Variants in ANO4 observed in about 807,000 individuals in gnomAD.
ANO4 encodes anoctamin-4.
Under a neutral mutation model 141.9 loss-of-function variants are expected in ANO4, and 69 were observed. The observed-to-expected ratio is 0.49, with a 90% CI of 0.40 to 0.59. The LOEUF (loss-of-function observed/expected upper bound fraction) is 0.59, where lower values mean the gene tolerates loss of function less well. ANO4 is among the 20% of genes least tolerant of loss of function. The pLI is 0.00. For synonymous variants in ANO4, 350 were observed against 394.3 expected (o/e 0.89, Z 1.33); for missense variants, 894 against 1,162.2 (o/e 0.77, Z 3.36).
chr12:100,988,533 G>C (rs369046987), intron 8 of ANO4, among the ~76,000 whole-genome samples: 20 of 147,858 alleles, frequency 1.4e-4, no homozygotes, highest in African/African-American at 4.1e-4. Context: ...GGAAGAAAAG[G>C]GTGATGGATT....
intron 1 of ANO4, among the ~76,000 whole-genome samples, chr12:100,876,500 G>C (rs2062740704): frequency 6.6e-6 from 1 of 152,134 alleles, no homozygotes. Context: ...TGAAAAATGA[G>C]AGAAATTAAA....
intron 1 of ANO4, among the ~76,000 whole-genome samples, chr12:100,894,811 A>G (rs368052635): frequency 2.6e-5 from 4 of 151,874 alleles, no homozygotes; most frequent in African/African-American, 9.7e-5. Context: ...CTAAAAATAC[A>G]AAAAATTAGC....
intron 1 of ANO4, among the ~76,000 whole-genome samples, chr12:100,892,071 G>A (rs73163171): frequency 6.6e-6 from 1 of 152,238 alleles, no homozygotes; most frequent in Non-Finnish European, 1.5e-5. Context: ...GCAAATGACA[G>A]GATTTTCCTT....
At chr12:101,078,445 C>T (rs1026324600) in intron 14 of ANO4, among the ~76,000 whole-genome samples, 1 of 152,024 alleles carries the variant, frequency 6.6e-6, no homozygotes, top group Non-Finnish European at 1.5e-5. Context: ...GCATAATGCT[C>T]AATAATTCAT....
chr12:100,722,647 C>T (rs1005251455), intron 1 of ANO4, among the ~76,000 whole-genome samples: 1 of 152,172 alleles, frequency 6.6e-6, no homozygotes, highest in Non-Finnish European at 1.5e-5. Context: ...GTAATCCCCT[C>T]TGTGGGTTGT....
At chr12:100,999,132 ACTGTT>A (rs2045526236) in intron 8 of ANO4, among the ~76,000 whole-genome samples, 1 of 152,218 alleles carries the variant, frequency 6.6e-6, no homozygotes, top group Admixed American at 6.5e-5. Flanking sequence ...CACTGACTTA[ACTGTT>A]TAAAACAACA....
intron 1 of ANO4, among the ~76,000 whole-genome samples, chr12:100,721,975 C>T (rs1257699048): frequency 6.6e-6 from 1 of 151,886 alleles, no homozygotes; most frequent in East Asian, 1.9e-4. Flanking sequence ...TGTGAGCCAC[C>T]ACGCCTGGCC....
intron 1 of ANO4, among the ~76,000 whole-genome samples, chr12:100,810,851 C>T (rs1297582644): frequency 6.6e-6 from 1 of 152,094 alleles, no homozygotes; most frequent in African/African-American, 2.4e-5. Context: ...AGTACACTAT[C>T]ATGAACTCTT....
intron 1 of ANO4, among the ~76,000 whole-genome samples, chr12:100,840,061 C>T (rs1303538917): frequency 3.9e-5 from 6 of 151,932 alleles, no homozygotes; most frequent in Non-Finnish European, 7.4e-5. Flanking sequence ...CTCTCTCATA[C>T]ATATATATGA....
intron 1 of ANO4, among the ~76,000 whole-genome samples, chr12:100,884,758 G>C (rs1178993206): frequency 5.3e-5 from 8 of 152,080 alleles, no homozygotes; most frequent in African/African-American, 1.9e-4. Flanking sequence ...GCAGTGGTGC[G>C]ATCTCAGCTC....
chr12:100,833,044 G>T (rs1488322549), intron 1 of ANO4, among the ~76,000 whole-genome samples: 1 of 152,038 alleles, frequency 6.6e-6, no homozygotes, highest in African/African-American at 2.4e-5. Flanking sequence ...TATTTAAAAT[G>T]CTCTGTAGCT....
chr12:101,103,121 A>C (rs1390510080), intron 22 of ANO4, among the ~76,000 whole-genome samples: 1 of 146,682 alleles, frequency 6.8e-6, no homozygotes, highest in Non-Finnish European at 1.5e-5. Context: ...ATTTTCTACC[A>C]TATATACATA....
chr12:100,774,159 C>T (rs892048594), intron 3 of ANO4, among the ~76,000 whole-genome samples: 9 of 148,598 alleles, frequency 6.1e-5, no homozygotes, highest in Admixed American at 2.0e-4. Context: ...AAAATATAAC[C>T]GTCTGTGCAT....
At chr12:100,952,616 C>T (rs2043015515) in intron 5 of ANO4, among the ~76,000 whole-genome samples, 2 of 152,126 alleles carry the variant, frequency 1.3e-5, no homozygotes, top group South Asian at 2.1e-4. Flanking sequence ...GGACTCAGTC[C>T]ACCTACCACT....
At chr12:100,887,799 C>G (rs910363637) in intron 1 of ANO4, among the ~76,000 whole-genome samples, 1 of 152,176 alleles carries the variant, frequency 6.6e-6, no homozygotes, top group Admixed American at 6.5e-5. Flanking sequence ...TATAAACTTA[C>G]AATTGCCTAC....
chr12:101,110,998 G>GAGA (rs2050642558), intron 23 of ANO4, among the ~76,000 whole-genome samples: 4 of 152,224 alleles, frequency 2.6e-5, no homozygotes, highest in African/African-American at 9.6e-5. Context: ...ATCAGATGCA[G>GAGA]CTCGCATGAG....
intron 2 of ANO4, among the ~76,000 whole-genome samples, chr12:100,909,831 C>T (rs965314046): frequency 6.6e-6 from 1 of 152,136 alleles, no homozygotes; most frequent in African/African-American, 2.4e-5. Context: ...CTTAATTTCT[C>T]TGAATCTTAG....
chr12:100,916,214 T>A lies in ANO4; in HGVS notation c.56-6012T>A, dbSNP rs527498888. On this transcript the variant is annotated intron_variant, in intron 2 of 27. Coordinates refer to ENST00000392977, the MANE Select transcript of ANO4 (RefSeq NM_001286615.2). ...CAGAGATTGCAAAAAGGGTAGCTAT[T>A]GATTTTTATTGTAAGCCCTTTGGTA... Among the ~76,000 whole-genome samples, 268 of 152,344 alleles carry A rather than the reference T, an allele frequency of 1.8e-3. 1 individual carries two copies. Among genetic ancestry groups the A allele is most frequent in the Non-Finnish European group, 3.0e-3 (204 of 68,030 alleles).
At chr12:100,996,975 A>G (rs991923746) in intron 8 of ANO4, among the ~76,000 whole-genome samples, 16 of 152,146 alleles carry the variant, frequency 1.1e-4, no homozygotes, top group Non-Finnish European at 2.1e-4. Context: ...TAGAATAATG[A>G]TGGTCAGAGA....
Sources: allele counts gnomAD v4.1 joint callset (sites outside exome capture counted in the v4.1 genomes callset), GRCh38; gene constraint gnomAD v4.1.1; transcripts MANE v1.5; gene names NCBI Gene and HGNC (gene_info 2026-07-23, HGNC 2026-07-21).